Variants in RBMS3 observed in about 807,000 individuals in gnomAD.
RBMS3 encodes RNA binding motif single stranded interacting protein 3.
RBMS3 carries 27 observed loss-of-function variants against 66.8 expected under a neutral mutation model. That is an observed-to-expected ratio of 0.40 (90% CI 0.30 to 0.56). RBMS3 has a LOEUF of 0.56. Ranked by LOEUF, RBMS3 falls within the 20% of genes least tolerant of loss-of-function variation. The pLI, the probability that RBMS3 is intolerant of heterozygous loss-of-function variation, is 0.40. For missense variants in RBMS3, 513 were observed against 549.5 expected (o/e 0.93, Z 0.66); for synonymous variants, 188 against 183.0 (o/e 1.03, Z -0.22).
rs1326934930 is a variant in RBMS3 at position 29,591,334 on chromosome 3, A to G, written c.399+4129A>G. On this transcript the variant is annotated intron_variant, in intron 4 of 14. Coordinates refer to ENST00000383767, the MANE Select transcript of RBMS3 (RefSeq NM_001003793.3). Reference sequence around the variant, plus strand: ...TAGCTCAGCAAGTCATACCTTTAAAAGAGAAGTTATCTGTCTGAATTCCCG... The same window carrying G: ...TAGCTCAGCAAGTCATACCTTTAAAGGAGAAGTTATCTGTCTGAATTCCCG... 2.6e-5 allele frequency among the ~76,000 whole-genome samples: 4 copies of G among 152,222 alleles called. No individual in the cohort carries two copies. In the East Asian group the frequency reaches 5.8e-4, roughly 22 times the overall value.
chr3:29,717,398 C>T (rs1311460889), intron 4 of RBMS3, among the ~76,000 whole-genome samples: 1 of 152,016 alleles, frequency 6.6e-6, no homozygotes, highest in Non-Finnish European at 1.5e-5. Context: ...TTGTATTAAT[C>T]TTATGCATTC....
At chr3:29,922,404 G>A (rs1168356415) in intron 10 of RBMS3, among the ~76,000 whole-genome samples, 2 of 150,976 alleles carry the variant, frequency 1.3e-5, no homozygotes, top group African/African-American at 2.4e-5. Flanking sequence ...GGAGAATGGC[G>A]TGAACCCGGG....
At chr3:29,571,793 T>C (rs1436891357) in intron 3 of RBMS3, among the ~76,000 whole-genome samples, 1 of 152,168 alleles carries the variant, frequency 6.6e-6, no homozygotes, top group Non-Finnish European at 1.5e-5. Context: ...AGAATTATTT[T>C]TGCTATTTCT....
At chr3:29,325,174 T>C (rs766677697) in intron 1 of RBMS3, among the ~76,000 whole-genome samples, 7 of 152,136 alleles carry the variant, frequency 4.6e-5, no homozygotes, top group Non-Finnish European at 1.0e-4. Flanking sequence ...CCAAAATATT[T>C]TGTGAAGTGA....
intron 6 of RBMS3, among the ~76,000 whole-genome samples, chr3:29,798,500 T>C (rs748058549): frequency 1.3e-5 from 2 of 152,038 alleles, no homozygotes; most frequent in Non-Finnish European, 2.9e-5. Flanking sequence ...GTGTCAAAAT[T>C]GTCCTGAAAT....
intron 4 of RBMS3, among the ~76,000 whole-genome samples, chr3:29,716,908 A>AATACAT (rs2149314917): frequency 1.0e-5 from 1 of 95,850 alleles, no homozygotes; most frequent in African/African-American, 5.1e-5. Flanking sequence ...TAATCATTGT[A>AATACAT]GTACATGCAT....
intron 10 of RBMS3, among the ~76,000 whole-genome samples, chr3:29,921,753 C>G (rs765581153): frequency 4.5e-4 from 68 of 152,146 alleles, no homozygotes; most frequent in Non-Finnish European, 3.2e-4. Context: ...TTCTTGATTA[C>G]TAAGATAACA....
intron 1 of RBMS3, among the ~76,000 whole-genome samples, chr3:29,314,685 A>G (rs2034574229): frequency 1.3e-5 from 2 of 151,628 alleles, no homozygotes; most frequent in Admixed American, 1.3e-4. Context: ...CCTACTGGGG[A>G]GCTGAAGCCA....
chr3:29,552,714 C>G (rs113950262), intron 3 of RBMS3, among the ~76,000 whole-genome samples: 2 of 152,090 alleles, frequency 1.3e-5, no homozygotes, highest in Admixed American at 6.6e-5. Context: ...CACCTCAGAA[C>G]TGAAGGGTTT....
intron 10 of RBMS3, among the ~76,000 whole-genome samples, chr3:29,916,276 T>C (rs546842489): frequency 1.3e-5 from 2 of 152,018 alleles, no homozygotes; most frequent in African/African-American, 2.4e-5. Flanking sequence ...CTATACAGAT[T>C]CAATTTATTA....
At chr3:29,981,932 G>A (rs1698022569) in intron 12 of RBMS3, among the ~76,000 whole-genome samples, 1 of 152,170 alleles carries the variant, frequency 6.6e-6, no homozygotes, top group Admixed American at 6.5e-5. Flanking sequence ...GGTGATGCCG[G>A]CCTCATAAAA....
At chr3:29,389,046 T>C (rs1162384611) in intron 1 of RBMS3, among the ~76,000 whole-genome samples, 1 of 152,186 alleles carries the variant, frequency 6.6e-6, no homozygotes, top group African/African-American at 2.4e-5. Flanking sequence ...AATTGAATCC[T>C]TTTGGAGAAT....
intron 4 of RBMS3, among the ~76,000 whole-genome samples, chr3:29,621,051 T>C (rs2048848402): frequency 6.6e-6 from 1 of 152,128 alleles, no homozygotes; most frequent in Non-Finnish European, 1.5e-5. Flanking sequence ...AGGAAACCCA[T>C]AGCTCATAAA....
chr3:29,802,637 T>G (rs946469950), intron 6 of RBMS3, among the ~76,000 whole-genome samples: 3 of 152,178 alleles, frequency 2.0e-5, no homozygotes, highest in Non-Finnish European at 2.9e-5. Context: ...CCCACTCAAT[T>G]TGTTTATGCC....
At chr3:29,797,019 C>T (rs753978142) in intron 6 of RBMS3, among the ~76,000 whole-genome samples, 3 of 151,922 alleles carry the variant, frequency 2.0e-5, no homozygotes, top group Non-Finnish European at 4.4e-5. Flanking sequence ...GCCACAATGG[C>T]TTTTACTTAG....
intron 4 of RBMS3, among the ~76,000 whole-genome samples, chr3:29,704,215 C>T (rs1223417170): frequency 5.3e-5 from 8 of 152,214 alleles, no homozygotes; most frequent in African/African-American, 1.4e-4. Flanking sequence ...CATCTCCCCA[C>T]ACAGGTTCAT....
At chr3:29,323,678 TTACACACACACA>T (rs1405063230) in intron 1 of RBMS3, among the ~76,000 whole-genome samples, 1 of 119,276 alleles carries the variant, frequency 8.4e-6, no homozygotes, top group African/African-American at 3.5e-5. Context: ...ACACATACAG[TTACACACACACA>T]TACACACACA....
intron 1 of RBMS3, among the ~76,000 whole-genome samples, chr3:29,321,782 C>G (rs1157592703): frequency 1.3e-5 from 2 of 152,060 alleles, no homozygotes; most frequent in African/African-American, 4.8e-5. Context: ...AGCCACCAAG[C>G]TGGCTGGAGA....
chr3:29,730,973 C>G (rs2054105458), intron 4 of RBMS3: 1 of 985,324 alleles, frequency 1.0e-6, no homozygotes, highest in African/African-American at 1.7e-5. Context: ...TCAAGGAAAG[C>G]CAGAGATCCA....
Sources: gnomAD v4.1 joint callset for allele counts (sites outside exome capture counted in the v4.1 genomes callset) on GRCh38, gnomAD v4.1.1 for gene constraint, MANE v1.5 for transcripts, NCBI Gene and HGNC (gene_info 2026-07-23, HGNC 2026-07-21) for gene names.